DEPTOR: variants seen among roughly 807,000 people sequenced by gnomAD.
DEPTOR encodes the protein DEP domain containing MTOR interacting protein, also known as DEP domain-containing mTOR-interacting protein.
Under a neutral mutation model 41.6 loss-of-function variants are expected in DEPTOR, and 41 were observed. The ratio of observed to expected loss-of-function variants is 0.98; its 90% CI spans 0.77 to 1.28. The LOEUF (loss-of-function observed/expected upper bound fraction) is 1.28. DEPTOR is among the 50% of genes most tolerant of loss of function. The pLI is 0.00. For synonymous variants in DEPTOR, 195 were observed against 192.3 expected (o/e 1.01, Z -0.12); for missense variants, 514 against 527.9 (o/e 0.97, Z 0.26).
intron 8 of DEPTOR, among the ~76,000 whole-genome samples, chr8:120,042,252 C>T (rs1013395870): frequency 8.5e-5 from 13 of 152,212 alleles, no homozygotes; most frequent in Admixed American, 7.2e-4. Flanking sequence ...TGCCTGTGTG[C>T]TTTTGAATAC....
At chr8:120,008,511 G>A (rs1812480891) in intron 7 of DEPTOR, among the ~76,000 whole-genome samples, 2 of 119,072 alleles carry the variant, frequency 1.7e-5, no homozygotes, top group Admixed American at 1.2e-4. Context: ...CTGGGTGACA[G>A]AGCAAGACTC....
intron 4 of DEPTOR, among the ~76,000 whole-genome samples, chr8:119,986,560 T>G (rs4584180): frequency 0.37 from 55,620 of 151,864 alleles, 10,873 homozygotes; most frequent in East Asian, 0.56. Context: ...TTTCCTGAAT[T>G]TGAATGTTGG....
At position 119,988,778 on chromosome 8, in the gene DEPTOR, C is replaced by A. The variant is rs149966885; in HGVS notation, c.605-12747C>A. 2.6e-5 allele frequency among the ~76,000 whole-genome samples: 4 copies of A among 152,102 alleles called. No individual in the cohort carries two copies. The East Asian group carries it at 7.7e-4, about 29-fold the overall frequency. ...GATTACAGGTGTGAACCACCGTGTC[C>A]GGCCTACTAGGCCTTTTACATATGT... On this transcript the variant is annotated intron_variant, in intron 4 of 8. Transcript: ENST00000286234.
chr8:119,992,461 C>T (rs749347610), intron 4 of DEPTOR, among the ~76,000 whole-genome samples: 1 of 152,026 alleles, frequency 6.6e-6, no homozygotes, highest in Non-Finnish European at 1.5e-5. Flanking sequence ...CCAAGACCAC[C>T]TTTTAAAAAT....
chr8:119,889,006 G>A (rs1827411743), intron 1 of DEPTOR, among the ~76,000 whole-genome samples: 1 of 151,864 alleles, frequency 6.6e-6, no homozygotes, highest in Non-Finnish European at 1.5e-5. Flanking sequence ...CACATATTAT[G>A]GAAATCTCAT....
At chr8:119,918,887 C>A (rs1827851007) in intron 1 of DEPTOR, among the ~76,000 whole-genome samples, 1 of 151,974 alleles carries the variant, frequency 6.6e-6, no homozygotes, top group Non-Finnish European at 1.5e-5. Context: ...AGCCACCGCG[C>A]CTGGCCATGG....
chr8:119,896,349 C>T (rs7465181), intron 1 of DEPTOR, among the ~76,000 whole-genome samples: 75,700 of 151,960 alleles, frequency 0.5, 20,576 homozygotes, highest in East Asian at 0.92. Flanking sequence ...TCCAGTTTCC[C>T]TCCAAAGGCC....
intron 4 of DEPTOR, among the ~76,000 whole-genome samples, chr8:119,965,903 G>C (rs1308747451): frequency 6.6e-6 from 1 of 152,162 alleles, no homozygotes; most frequent in Non-Finnish European, 1.5e-5. Flanking sequence ...TTTCCGTTTA[G>C]GGCCAAATCA....
intron 8 of DEPTOR, among the ~76,000 whole-genome samples, chr8:120,045,714 T>C (rs1412423131): frequency 6.6e-6 from 1 of 152,172 alleles, no homozygotes; most frequent in Non-Finnish European, 1.5e-5. Context: ...GAAGTGACCA[T>C]CACCAAGGTT....
chr8:119,939,278 C>T (rs1029203739), intron 3 of DEPTOR, among the ~76,000 whole-genome samples: 2 of 152,174 alleles, frequency 1.3e-5, no homozygotes, highest in African/African-American at 2.4e-5. Context: ...TAGCGGCAAG[C>T]TTGGTCTGCC....
chr8:120,006,654 C>T (rs2130095682), intron 6 of DEPTOR, 151 bp from the exon 7 acceptor site: 1 of 587,926 alleles, frequency 1.7e-6, no homozygotes, highest in Non-Finnish European at 3.0e-6. Flanking sequence ...TATTTACTGT[C>T]TCCATTCAGC....
At chr8:119,919,195 G>T (rs1314051309) in intron 1 of DEPTOR, among the ~76,000 whole-genome samples, 1 of 152,084 alleles carries the variant, frequency 6.6e-6, no homozygotes, top group South Asian at 2.1e-4. Context: ...ATAGCCATAT[G>T]TGTACACATA....
At chr8:119,998,342 T>C (rs1040282571) in intron 4 of DEPTOR, among the ~76,000 whole-genome samples, 3 of 152,224 alleles carry the variant, frequency 2.0e-5, no homozygotes, top group African/African-American at 7.2e-5. Flanking sequence ...TGCCTTGGCC[T>C]CCCAAAGTGC....
chr8:119,985,594 G>A (rs1200767410), intron 4 of DEPTOR, among the ~76,000 whole-genome samples: 2 of 151,962 alleles, frequency 1.3e-5, no homozygotes. Flanking sequence ...TGTTGCCATT[G>A]CTTTTGGTGT....
intron 3 of DEPTOR, among the ~76,000 whole-genome samples, chr8:119,949,580 T>A (rs970321059): frequency 6.6e-6 from 1 of 152,252 alleles, no homozygotes; most frequent in East Asian, 1.9e-4. Flanking sequence ...TGTTATGTCA[T>A]TATAGTTTTT....
chr8:119,967,201 T>G (rs1287756470), intron 4 of DEPTOR, among the ~76,000 whole-genome samples: 1 of 151,868 alleles, frequency 6.6e-6, no homozygotes, highest in Non-Finnish European at 1.5e-5. Context: ...ACCTTAGCCT[T>G]CCGAGTTGCT....
chr8:119,951,072 AACACAC>A (rs35455263), intron 3 of DEPTOR, among the ~76,000 whole-genome samples: 40 of 141,522 alleles, frequency 2.8e-4, no homozygotes, highest in Middle Eastern at 3.6e-3. Flanking sequence ...CACACACACA[AACACAC>A]ACACACACAC....
At chr8:120,003,665 T>C (rs1812390876) in intron 6 of DEPTOR, among the ~76,000 whole-genome samples, 1 of 152,182 alleles carries the variant, frequency 6.6e-6, no homozygotes, top group Non-Finnish European at 1.5e-5. Context: ...GGAAGAAGCA[T>C]GGATGTGTGC....
chr8:119,906,898 G>C (rs1002699568), intron 1 of DEPTOR, among the ~76,000 whole-genome samples: 1 of 152,252 alleles, frequency 6.6e-6, no homozygotes, highest in East Asian at 1.9e-4. Context: ...AGGGCCAATA[G>C]TATTCCTGTG....
Sources: allele counts gnomAD v4.1 joint callset (sites outside exome capture counted in the v4.1 genomes callset), GRCh38; gene constraint gnomAD v4.1.1; transcripts MANE v1.5; gene names NCBI Gene and HGNC (gene_info 2026-07-23, HGNC 2026-07-21).